Variants in ULK4 observed in about 807,000 individuals in gnomAD.
ULK4 encodes inactive serine/threonine-protein kinase ULK4.
In ULK4, 133 loss-of-function variants were observed where a neutral mutation model predicts 160.6. The ratio of observed to expected loss-of-function variants is 0.83; its 90% CI spans 0.72 to 0.96. ULK4 has a LOEUF of 0.96. Ranked by LOEUF, ULK4 falls within the 40% of genes least tolerant of loss-of-function variation. The pLI, the probability that ULK4 is intolerant of heterozygous loss-of-function variation, is 0.00. For missense variants in ULK4, 1,580 were observed against 1,499.5 expected, an observed-to-expected ratio of 1.05 and a Z score of -0.89; for synonymous variants, 534 against 539.8, an observed-to-expected ratio of 0.99 and a Z score of 0.15.
In ULK4 at chr3:41,705,225, A is replaced by G. The variant is rs774170681; in HGVS notation, c.2686+29T>C. The G allele has an allele frequency of 2.5e-6, 4 of 1,613,122 alleles. No homozygotes were observed. In the South Asian group the frequency reaches 3.3e-5, roughly 13 times the overall value. Reference sequence around the variant, plus strand: ...CATAATATCAAAGTACCTCAAACAAAGACACAAAATGTTCCAGGGTCTACT... The same window carrying G: ...CATAATATCAAAGTACCTCAAACAAGGACACAAAATGTTCCAGGGTCTACT... On this transcript the variant is annotated intron_variant, in intron 26 of 36. Coordinates refer to ENST00000301831, the MANE Select transcript of ULK4 (RefSeq NM_017886.4).
At chr3:41,907,644 G>C (rs1438213104) in intron 12 of ULK4, among the ~76,000 whole-genome samples, 4 of 152,012 alleles carry the variant, frequency 2.6e-5, no homozygotes, top group African/African-American at 9.7e-5. Context: ...GTACCTCAAG[G>C]AAAGTCCTAC....
intron 21 of ULK4, among the ~76,000 whole-genome samples, chr3:41,758,608 G>A (rs533994925): frequency 2.9e-4 from 44 of 152,206 alleles, no homozygotes; most frequent in African/African-American, 9.1e-4. Context: ...ATAAGTGGCC[G>A]GGCACAGTGG....
intron 19 of ULK4, among the ~76,000 whole-genome samples, chr3:41,817,227 C>T (rs1013075813): frequency 1.3e-5 from 2 of 152,162 alleles, no homozygotes; most frequent in Non-Finnish European, 2.9e-5. Context: ...GAATGTGGCG[C>T]CATTCCATTT....
intron 32 of ULK4, among the ~76,000 whole-genome samples, chr3:41,564,449 CTTTTTTTTTTTT>C (rs71075476): frequency 2.5e-5 from 2 of 80,930 alleles, no homozygotes; most frequent in Non-Finnish European, 4.6e-5. Flanking sequence ...TCTTCTTCTT[CTTTTTTTTTTTT>C]TTTTTTTTTT....
intron 29 of ULK4, among the ~76,000 whole-genome samples, chr3:41,676,952 C>T (rs1004272908): frequency 1.4e-5 from 2 of 139,236 alleles, no homozygotes; most frequent in Non-Finnish European, 1.5e-5. Flanking sequence ...CAATCTATTG[C>T]CCAGGCTGGA....
intron 16 of ULK4, among the ~76,000 whole-genome samples, chr3:41,889,061 G>A (rs189254996): frequency 6.6e-6 from 1 of 151,880 alleles, no homozygotes; most frequent in East Asian, 1.9e-4. Context: ...AGGCATTTGA[G>A]AAATAAACAG....
chr3:41,826,642 C>T (rs1305840820), intron 18 of ULK4, among the ~76,000 whole-genome samples: 12 of 147,502 alleles, frequency 8.1e-5, no homozygotes, highest in Admixed American at 8.0e-4. Flanking sequence ...AATACAGGAG[C>T]ACCCAGATTC....
At chr3:41,520,347 T>G (rs932905726) in intron 32 of ULK4, among the ~76,000 whole-genome samples, 34 of 152,164 alleles carry the variant, frequency 2.2e-4, no homozygotes, top group African/African-American at 8.2e-4. Context: ...TCAGTTAATG[T>G]AATGTTTTCA....
chr3:41,470,128 A>G (rs953017283), intron 32 of ULK4, among the ~76,000 whole-genome samples: 1 of 151,910 alleles, frequency 6.6e-6, no homozygotes, highest in Non-Finnish European at 1.5e-5. Flanking sequence ...GAGGAAGCAC[A>G]GAGGTCTCCA....
chr3:41,867,266 C>T (rs936485305), intron 17 of ULK4, among the ~76,000 whole-genome samples: 1 of 152,136 alleles, frequency 6.6e-6, no homozygotes, highest in Non-Finnish European at 1.5e-5. Flanking sequence ...AAAGAATAGT[C>T]CCTAAACCAG....
At chr3:41,950,697 T>C (rs1449032866) in intron 2 of ULK4, among the ~76,000 whole-genome samples, 1 of 152,026 alleles carries the variant, frequency 6.6e-6, no homozygotes, top group Non-Finnish European at 1.5e-5. Flanking sequence ...GGGGAATTTC[T>C]ATACATTAAC....
intron 30 of ULK4, among the ~76,000 whole-genome samples, chr3:41,661,069 T>C (rs76809458): frequency 0.026 from 4,015 of 152,282 alleles, 64 homozygotes; most frequent in Non-Finnish European, 0.041. Flanking sequence ...TGTGTATATG[T>C]GAGTTTTTCT....
intron 35 of ULK4, among the ~76,000 whole-genome samples, chr3:41,324,092 G>T (rs2080297904): frequency 1.3e-5 from 2 of 152,212 alleles, no homozygotes; most frequent in Admixed American, 1.3e-4. Context: ...GGTTACTTCA[G>T]CTGGGGCCTT....
At chr3:41,398,043 C>T in intron 35 of ULK4, 36 bp downstream of exon 35, 1 of 1,580,252 alleles carries the variant, frequency 6.3e-7, no homozygotes, top group Non-Finnish European at 8.6e-7. Flanking sequence ...GCCAGCAAAG[C>T]CACCCACAGT....
chr3:41,485,537 T>C (rs1052841773), intron 32 of ULK4, among the ~76,000 whole-genome samples: 1 of 152,224 alleles, frequency 6.6e-6, no homozygotes, highest in African/African-American at 2.4e-5. Flanking sequence ...TATTTGAGCA[T>C]TTCTATACAG....
chr3:41,890,799 AT>A (rs1359499127), intron 16 of ULK4, among the ~76,000 whole-genome samples: 2 of 14,486 alleles, frequency 1.4e-4, no homozygotes, highest in Non-Finnish European at 1.3e-4. Context: ...GAGGGACGGG[AT>A]GGGGGAAGGA....
In ULK4 at chr3:41,313,068, G is replaced by A. The variant is rs149030453; in HGVS notation, c.3679-63494C>T. Among the ~76,000 whole-genome samples the A allele has an allele frequency of 3.2e-3, 493 of 152,204 alleles. 3 individuals are homozygous for A. The highest frequency in any genetic ancestry group is 0.011 in the African/African-American group (462 of 41,526). ...AACACATGCCAAAAAGTTAACAAAG[G>A]CAAGAGATGGTTTGAGAAGACAAAC... is the stretch of plus-strand genomic sequence containing the variant. On this transcript the variant is annotated intron_variant, in intron 35 of 36. Coordinates refer to ENST00000301831, the MANE Select transcript of ULK4 (RefSeq NM_017886.4).
chr3:41,706,900 T>TATAG (rs369390361), intron 25 of ULK4, among the ~76,000 whole-genome samples: 252 of 136,426 alleles, frequency 1.8e-3, no homozygotes, highest in African/African-American at 6.3e-3. Flanking sequence ...TATATATATA[T>TATAG]AGAGAGAGAG....
At chr3:41,881,262 C>T (rs967560222) in intron 17 of ULK4, among the ~76,000 whole-genome samples, 10 of 132,552 alleles carry the variant, frequency 7.5e-5, no homozygotes, top group Non-Finnish European at 1.4e-4. Flanking sequence ...AATGGAGCCA[C>T]ACATCCTGTA....
Sources: allele counts gnomAD v4.1 joint callset (sites outside exome capture counted in the v4.1 genomes callset), GRCh38; gene constraint gnomAD v4.1.1; transcripts MANE v1.5; gene names NCBI Gene and HGNC (gene_info 2026-07-23, HGNC 2026-07-21).